The following RALYL variants were observed in gnomAD, a reference collection of about 807,000 sequenced individuals.
The protein encoded by RALYL is RNA-binding Raly-like protein.
Under a neutral mutation model 35.1 loss-of-function variants are expected in RALYL, and 29 were observed. The observed-to-expected ratio is 0.83, with a 90% confidence interval of 0.61 to 1.13. RALYL has a LOEUF of 1.13. Among genes scored for constraint, RALYL ranks in the 50% most tolerant of loss-of-function variants. The pLI is 0.00. For missense variants in RALYL, 359 were observed against 360.4 expected (o/e 1.00, Z 0.03); for synonymous variants, 120 against 127.6 (o/e 0.94, Z 0.40).
intron 1 of RALYL, among the ~76,000 whole-genome samples, chr8:84,407,140 T>C (rs1026222479): frequency 8.6e-5 from 13 of 151,898 alleles, no homozygotes; most frequent in African/African-American, 3.1e-4. Flanking sequence ...CATCTGTCAT[T>C]TCCATATCTA....
chr8:84,819,138 T>C (rs111971317), intron 4 of RALYL, among the ~76,000 whole-genome samples: 22 of 152,312 alleles, frequency 1.4e-4, no homozygotes, highest in African/African-American at 5.3e-4. Context: ...TTTGCGTTTT[T>C]TTTAAGACTC....
intron 1 of RALYL, among the ~76,000 whole-genome samples, chr8:84,361,475 G>C (rs1853019048): frequency 6.6e-6 from 1 of 152,200 alleles, no homozygotes; most frequent in Non-Finnish European, 1.5e-5. Flanking sequence ...TGAGCATGCT[G>C]CTGTGGAGGA....
At chr8:84,697,552 T>C (rs1299253730) in intron 2 of RALYL, among the ~76,000 whole-genome samples, 1 of 152,086 alleles carries the variant, frequency 6.6e-6, no homozygotes, top group Non-Finnish European at 1.5e-5. Context: ...TAGGCTTTAC[T>C]TGAATATCTT....
At chr8:84,530,580 T>C (rs577083496) in intron 2 of RALYL, among the ~76,000 whole-genome samples, 1 of 152,274 alleles carries the variant, frequency 6.6e-6, no homozygotes, top group South Asian at 2.1e-4. Context: ...AATCTCCTTT[T>C]AAATGTGTGC....
intron 2 of RALYL, among the ~76,000 whole-genome samples, chr8:84,628,629 A>T (rs544613191): frequency 6.6e-6 from 1 of 152,172 alleles, no homozygotes; most frequent in South Asian, 2.1e-4. Flanking sequence ...TAAAATCATA[A>T]CATTTTGTTG....
chr8:84,490,425 G>A (rs1445496374), intron 1 of RALYL, among the ~76,000 whole-genome samples: 2 of 152,082 alleles, frequency 1.3e-5, no homozygotes, highest in Non-Finnish European at 2.9e-5. Context: ...AAGATTGAAG[G>A]TTGTTGCCTG....
intron 1 of RALYL, among the ~76,000 whole-genome samples, chr8:84,231,874 C>T (rs1825441352): frequency 6.6e-6 from 1 of 152,040 alleles, no homozygotes; most frequent in African/African-American, 2.4e-5. Flanking sequence ...TCTTCCTGTT[C>T]AGAAAAGTTC....
chr8:84,679,850 T>G (rs1018290580), intron 2 of RALYL: 2 of 374,308 alleles, frequency 5.3e-6, no homozygotes, highest in African/African-American at 2.1e-5. Context: ...TTTATTTTTT[T>G]TCTTTTTTTT....
intron 1 of RALYL, among the ~76,000 whole-genome samples, chr8:84,464,771 T>C (rs1208881942): frequency 6.7e-6 from 1 of 149,908 alleles, no homozygotes; most frequent in Non-Finnish European, 1.5e-5. Flanking sequence ...TGTAAAAGTG[T>C]TCCTATTTCT....
intron 8 of RALYL, among the ~76,000 whole-genome samples, chr8:84,909,722 G>A (rs1847183177): frequency 6.6e-6 from 1 of 152,048 alleles, no homozygotes; most frequent in Non-Finnish European, 1.5e-5. Context: ...TATAAGGATG[G>A]CACTTCCCTC....
intron 1 of RALYL, among the ~76,000 whole-genome samples, chr8:84,193,926 G>A (rs1814589481): frequency 6.6e-6 from 1 of 152,132 alleles, no homozygotes; most frequent in Non-Finnish European, 1.5e-5. Flanking sequence ...CTGAGAAAGA[G>A]AGCAAGGGCA....
chr8:84,633,038 T>C (rs1011363007), intron 2 of RALYL, among the ~76,000 whole-genome samples: 2 of 151,928 alleles, frequency 1.3e-5, no homozygotes, highest in African/African-American at 2.4e-5. Flanking sequence ...CATTTTTTTC[T>C]GGCCATAAAA....
intron 1 of RALYL, among the ~76,000 whole-genome samples, chr8:84,489,394 G>A (rs1437031112): frequency 2.0e-5 from 3 of 151,968 alleles, no homozygotes; most frequent in African/African-American, 7.2e-5. Context: ...GATCTAAGAC[G>A]AATGTTTAGT....
At chr8:84,599,244 T>C (rs1176606339) in intron 2 of RALYL, among the ~76,000 whole-genome samples, 1 of 152,072 alleles carries the variant, frequency 6.6e-6, no homozygotes, top group East Asian at 1.9e-4. Context: ...TGTGCTATGA[T>C]TATAGAATAA....
chr8:84,487,261 A>T (rs1443007686), intron 1 of RALYL, among the ~76,000 whole-genome samples: 1 of 152,102 alleles, frequency 6.6e-6, no homozygotes, highest in South Asian at 2.1e-4. Flanking sequence ...TTTCAGAAAA[A>T]TAATTTTTCA....
intron 2 of RALYL, among the ~76,000 whole-genome samples, chr8:84,732,697 C>CACAA (rs1563469493): frequency 2.1e-5 from 2 of 93,456 alleles, no homozygotes; most frequent in African/African-American, 1.1e-4. Context: ...CACACACACA[C>CACAA]ATATATATAA....
chr8:84,678,356 C>G (rs1244350771), intron 2 of RALYL, among the ~76,000 whole-genome samples: 1 of 151,998 alleles, frequency 6.6e-6, no homozygotes, highest in Non-Finnish European at 1.5e-5. Flanking sequence ...CTCCACACCC[C>G]AGGTTCAAGC....
intron 2 of RALYL, among the ~76,000 whole-genome samples, chr8:84,532,818 A>T (rs916434058): frequency 3.3e-5 from 5 of 152,206 alleles, no homozygotes; most frequent in Admixed American, 3.3e-4. Flanking sequence ...CTCTAATGTC[A>T]GTTCTTAAAG....
rs530352639 is a variant in RALYL, at chr8:84,332,614, G to A, written c.-24+148190G>A. On this transcript the variant is annotated intron_variant, in intron 1 of 8. Transcript: ENST00000521268. ...CTTATCTCCATTTATATTTTGTGAA[G>A]ACCATTATTAATAATATTTCCCCTT... Among the ~76,000 whole-genome samples, 43 of 152,184 alleles carry A rather than the reference G, an allele frequency of 2.8e-4. 1 individual carries two copies. Among genetic ancestry groups the A allele is most frequent in the South Asian group, 6.2e-4 (3 of 4,824 alleles).
Sources: gnomAD v4.1 joint callset for allele counts (sites outside exome capture counted in the v4.1 genomes callset) on GRCh38, gnomAD v4.1.1 for gene constraint, MANE v1.5 for transcripts, NCBI Gene and HGNC (gene_info 2026-07-23, HGNC 2026-07-21) for gene names.